MARCHF4: variants seen among roughly 807,000 people sequenced by gnomAD.
MARCHF4 encodes membrane associated ring-CH-type finger 4.
MARCHF4 carries 14 observed loss-of-function variants against 43.9 expected under a neutral mutation model. The observed-to-expected ratio is 0.32, with a 90% CI of 0.21 to 0.50. The LOEUF (loss-of-function observed/expected upper bound fraction) is 0.50, where lower values mean the gene tolerates loss of function less well. Among genes scored for constraint, MARCHF4 ranks in the 20% least tolerant of loss-of-function variants. The pLI is 0.98. For missense variants in MARCHF4, 468 were observed against 536.7 expected (o/e 0.87, Z 1.27); for synonymous variants, 226 against 213.3 (o/e 1.06, Z -0.52).
Position 216,336,742 on chromosome 2 carries a change from T to TAAAAAAAAAAAAAAAAAAAAAA in MARCHF4, c.516+32981_516+33002dup, listed in dbSNP as rs58031229. Among the ~76,000 whole-genome samples the TAAAAAAAAAAAAAAAAAAAAAA allele has an allele frequency of 1.9e-3, 103 of 55,656 alleles. 8 individuals carry two copies. Among genetic ancestry groups the TAAAAAAAAAAAAAAAAAAAAAA allele is most frequent in the East Asian group, 0.012 (9 of 758 alleles). 36.5% of individuals were successfully genotyped at this position (55,656 alleles called of 152,430 possible). On this transcript the variant is annotated intron_variant, in intron 1 of 3. Transcript: ENST00000273067. ...GGCAAATGGGAAAGGCAAATAGATT[T>TAAAAAAAAAAAAAAAAAAAAAA]AAAAAAAAAAAAAAAAAAAAAAAAA...
chr2:216,309,518 C>T (rs1046023575), intron 1 of MARCHF4, among the ~76,000 whole-genome samples: 3 of 152,342 alleles, frequency 2.0e-5, no homozygotes, highest in South Asian at 4.1e-4. Flanking sequence ...TAACCCCAGC[C>T]TAACTAATCA....
At chr2:216,267,901 G>C (rs952966067) in intron 3 of MARCHF4, among the ~76,000 whole-genome samples, 1 of 152,226 alleles carries the variant, frequency 6.6e-6, no homozygotes, top group African/African-American at 2.4e-5. Context: ...CAGTGCATCT[G>C]CTTCTAAATC....
At chr2:216,358,809 T>C (rs1034297006) in intron 1 of MARCHF4, among the ~76,000 whole-genome samples, 9 of 152,200 alleles carry the variant, frequency 5.9e-5, no homozygotes, top group Non-Finnish European at 1.3e-4. Flanking sequence ...TGTTCCTAGA[T>C]GCAGCCAGGC....
chr2:216,359,590 G>T (rs549652985), intron 1 of MARCHF4, among the ~76,000 whole-genome samples: 118 of 152,266 alleles, frequency 7.7e-4, no homozygotes, highest in African/African-American at 2.5e-3. Flanking sequence ...CACCTGGAAA[G>T]CTTCAGTCGC....
intron 1 of MARCHF4, among the ~76,000 whole-genome samples, chr2:216,306,964 C>CCTCTCTCT (rs71988758): frequency 6.6e-6 from 1 of 150,790 alleles, no homozygotes; most frequent in African/African-American, 2.4e-5. Flanking sequence ...TACCTCCTGT[C>CCTCTCTCT]CTCTCTCTCT....
intron 3 of MARCHF4, among the ~76,000 whole-genome samples, chr2:216,260,856 T>C (rs1294762321): frequency 6.6e-6 from 1 of 152,116 alleles, no homozygotes; most frequent in Non-Finnish European, 1.5e-5. Context: ...AGCAGTGATG[T>C]CATGCGGGTT....
rs1241645555 is a variant in MARCHF4 at position 216,265,438 on chromosome 2, T to G, written c.866-5759A>C. The G allele has an allele frequency of 2.6e-5, 4 of 152,112 alleles. No individual in the cohort carries two copies. In the East Asian group the frequency reaches 7.7e-4, roughly 29 times the overall value. The allele number at this position is 152,112 out of a possible 1,614,324, so 9.4% of individuals were successfully genotyped here. A position where few individuals can be genotyped will look rare whatever the true frequency, so the allele number is the denominator to read the frequency against. ...ATCAGAATCCCACCCCCACTCCATG[T>G]CCTGCTAATGGCCTGGGTTAAGTGA... On this transcript the variant is annotated intron_variant, in intron 3 of 3. Transcript: ENST00000273067.
At chr2:216,346,124 T>A (rs1692315981) in intron 1 of MARCHF4, among the ~76,000 whole-genome samples, 1 of 152,182 alleles carries the variant, frequency 6.6e-6, no homozygotes, top group Admixed American at 6.5e-5. Context: ...ACTGTCCTGG[T>A]TTGTTAGGGA....
chr2:216,339,088 T>A lies in MARCHF4; in HGVS notation c.516+30657A>T, dbSNP rs569491525. On this transcript the variant is annotated intron_variant, in intron 1 of 3. Transcript: ENST00000273067. ...GAGAGATTCCTAAGAGAGGTGAGAGTTAGAAAAAAGGCAAGGGGAGCCTTG... is the reference window on the plus strand; with the variant it reads ...GAGAGATTCCTAAGAGAGGTGAGAGATAGAAAAAAGGCAAGGGGAGCCTTG... Among the ~76,000 whole-genome samples, 11 of 151,660 alleles carry A rather than the reference T, an allele frequency of 7.3e-5. No homozygotes were observed. In the South Asian group the frequency reaches 2.3e-3, roughly 32 times the overall value.
chr2:216,352,561 T>G (rs1692419220), intron 1 of MARCHF4, among the ~76,000 whole-genome samples: 1 of 152,148 alleles, frequency 6.6e-6, no homozygotes, highest in Non-Finnish European at 1.5e-5. Flanking sequence ...CCCACTATGT[T>G]GCCCAGGCTG....
intron 1 of MARCHF4, among the ~76,000 whole-genome samples, chr2:216,341,233 T>C (rs1692231156): frequency 6.6e-6 from 1 of 152,232 alleles, no homozygotes; most frequent in Non-Finnish European, 1.5e-5. Flanking sequence ...GTTCTGTTTG[T>C]TTCCATTGTC....
Position 216,259,331 on chromosome 2 carries a change from A to G in MARCHF4, c.1214T>C (p.Met405Thr). ...SPPGSSRELVMRVTTV is the reference protein window; with the variant it reads ...SPPGSSRELVTRVTTV ...CTGCTCTCACACTGTCGTGACTCTC[A>G]TGACCAGCTCTCGGCTGCTGCCTGG... The change falls in exon 4 of 4, where the codon ATG (methionine) becomes ACG (threonine). Residue 405 changes from methionine (M) to threonine (T), a missense_variant. Met to Thr is a moderately conservative substitution (Grantham distance 81, BLOSUM62 -1). Around this residue, in one of 3 missense-constraint regions of MARCHF4, gnomAD observed 120 missense variants for 127.1 expected, o/e 0.94. Transcript: ENST00000273067. 1 of 1,557,680 alleles carries G rather than the reference A, an allele frequency of 6.4e-7. No homozygotes were observed. The highest frequency in any genetic ancestry group is 1.4e-5 in the African/African-American group (1 of 73,574).
At position 216,370,021 on chromosome 2, in the gene MARCHF4, C is replaced by T. The variant is rs777607907; in HGVS notation, c.240G>A (p.Pro80=). 1.7e-5 allele frequency: 27 copies of T among 1,544,396 alleles called. No individual in the cohort carries two copies. The highest frequency in any genetic ancestry group is 2.0e-4 in the Middle Eastern group (1 of 5,036). ...PPGLAANNTL[P]ALGAGGWAGW... is the part of the protein sequence containing the mutation. ...CTGCCCACCCCCCGGCGCCCAGAGC[C>T]GGAAGGGTGTTGTTGGCCGCCAAAC... Residue 80 remains proline (P), a synonymous_variant, in exon 1 of 4, where the codon CCG becomes CCA. Transcript: ENST00000273067.
At chr2:216,327,164 G>A (rs4672795) in intron 1 of MARCHF4, among the ~76,000 whole-genome samples, 2 of 151,100 alleles carry the variant, frequency 1.3e-5, no homozygotes, top group Non-Finnish European at 2.9e-5. Context: ...TTTTTAAATT[G>A]AGATATAATT....
At chr2:216,360,220 T>A (rs1692555927) in intron 1 of MARCHF4, among the ~76,000 whole-genome samples, 1 of 152,168 alleles carries the variant, frequency 6.6e-6, no homozygotes, top group Non-Finnish European at 1.5e-5. Context: ...ATAACTTCAG[T>A]CACTTATACT....
intron 1 of MARCHF4, chr2:216,321,842 G>T (rs981566477): frequency 1.5e-4 from 23 of 152,204 alleles, no homozygotes; most frequent in African/African-American, 5.5e-4. Flanking sequence ...CTCAGAAAAA[G>T]AAGCCCATTC....
At chr2:216,274,534 T>C (rs945188378) in intron 3 of MARCHF4, among the ~76,000 whole-genome samples, 3 of 148,004 alleles carry the variant, frequency 2.0e-5, no homozygotes, top group African/African-American at 5.0e-5. Flanking sequence ...GAAGGAGAAG[T>C]TGAATTTCAC....
intron 1 of MARCHF4, among the ~76,000 whole-genome samples, chr2:216,308,490 C>T (rs1299337388): frequency 1.3e-5 from 2 of 152,204 alleles, no homozygotes; most frequent in Non-Finnish European, 1.5e-5. Context: ...CCTGTATCAC[C>T]CACGCTGAAT....
chr2:216,284,916 G>A (rs543966381), intron 1 of MARCHF4, among the ~76,000 whole-genome samples: 1 of 152,252 alleles, frequency 6.6e-6, no homozygotes, highest in Non-Finnish European at 1.5e-5. Flanking sequence ...ACTGGGAGTG[G>A]TCCCTGACTT....
Sources: gnomAD v4.1 joint callset for allele counts (sites outside exome capture counted in the v4.1 genomes callset) on GRCh38, gnomAD v4.1.1 for gene constraint, gnomAD v4.1.1 regional missense constraint, MANE v1.5 for transcripts, NCBI Gene and HGNC (gene_info 2026-07-23, HGNC 2026-07-21) for gene names.